The following KIAA1328 variants were observed in gnomAD, a reference collection of about 807,000 sequenced individuals.
KIAA1328 encodes the protein protein hinderin.
Under a neutral mutation model 68.1 loss-of-function variants are expected in KIAA1328, and 52 were observed. The observed-to-expected ratio is 0.76, with a 90% confidence interval of 0.61 to 0.96. The LOEUF (loss-of-function observed/expected upper bound fraction) is 0.96. Among genes scored for constraint, KIAA1328 ranks in the 40% least tolerant of loss-of-function variants. The pLI is 0.00. For synonymous variants in KIAA1328, 232 were observed against 239.4 expected (o/e 0.97, Z 0.28); for missense variants, 641 against 677.6 (o/e 0.95, Z 0.60).
At chr18:37,169,215 G>T (rs914819813) in intron 8 of KIAA1328, among the ~76,000 whole-genome samples, 11 of 150,836 alleles carry the variant, frequency 7.3e-5, no homozygotes, top group African/African-American at 2.4e-4. Flanking sequence ...GCCCGGGCTG[G>T]AGTGCAGTGG....
intron 7 of KIAA1328, among the ~76,000 whole-genome samples, chr18:37,117,318 A>G (rs2058138889): frequency 6.6e-6 from 1 of 152,236 alleles, no homozygotes; most frequent in South Asian, 2.1e-4. Context: ...CAGCCATAAA[A>G]AAGGATGAGT....
intron 6 of KIAA1328, among the ~76,000 whole-genome samples, chr18:37,010,361 T>G (rs1279455458): frequency 2.1e-5 from 3 of 145,138 alleles, no homozygotes; most frequent in African/African-American, 7.9e-5. Context: ...GAGAATCACT[T>G]GAACCCAGGA....
chr18:37,116,369 C>T (rs974524419), intron 7 of KIAA1328, among the ~76,000 whole-genome samples: 17 of 152,120 alleles, frequency 1.1e-4, no homozygotes, highest in Non-Finnish European at 2.1e-4. Context: ...CATCTACAAC[C>T]ATCTGACCTT....
intron 7 of KIAA1328, among the ~76,000 whole-genome samples, chr18:37,147,722 G>T (rs2058934122): frequency 6.6e-6 from 1 of 152,162 alleles, no homozygotes; most frequent in African/African-American, 2.4e-5. Context: ...ATTCTTAGCG[G>T]AAGTCTAGGA....
At chr18:37,070,174 C>T (rs528945162) in intron 7 of KIAA1328, among the ~76,000 whole-genome samples, 2 of 152,252 alleles carry the variant, frequency 1.3e-5, no homozygotes, top group African/African-American at 2.4e-5. Flanking sequence ...CCACTGTGCA[C>T]ACATAACACA....
intron 6 of KIAA1328, among the ~76,000 whole-genome samples, chr18:37,020,483 A>C (rs1262445122): frequency 6.6e-6 from 1 of 152,236 alleles, no homozygotes; most frequent in African/African-American, 2.4e-5. Flanking sequence ...TTAACTTGAA[A>C]GTTTACAGCG....
At chr18:37,084,117 T>G in intron 7 of KIAA1328, 1 of 1,431,830 alleles carries the variant, frequency 7.0e-7, no homozygotes, top group Non-Finnish European at 9.1e-7. Flanking sequence ...TTAAATTAAT[T>G]TTTACAGGTT....
At chr18:37,068,103 G>A (rs2056408590) in intron 7 of KIAA1328, among the ~76,000 whole-genome samples, 1 of 152,112 alleles carries the variant, frequency 6.6e-6, no homozygotes, top group African/African-American at 2.4e-5. Context: ...TTTTTGCTGG[G>A]TTCCAAAGAC....
chr18:37,210,665 G>A (rs550922002), intron 9 of KIAA1328, among the ~76,000 whole-genome samples: 6 of 152,184 alleles, frequency 3.9e-5, no homozygotes, highest in Non-Finnish European at 8.8e-5. Flanking sequence ...CCTTAGCAGA[G>A]TAAAACACAC....
rs377653631 is a variant in KIAA1328 at position 37,173,005 on chromosome 18, A to G, written c.1447A>G (p.Thr483Ala). ...TVTGVRKDAS[T>A]SPMPTGSLKD... ...GACAGGAGTTAGAAAAGATGCGTCT[A>G]CATCTCCTATGCCAACAGGAAGCCT... The change falls in exon 9 of 10, where the codon ACA becomes GCA. Residue 483 changes from threonine to alanine, a missense_variant. Thr to Ala is a moderately conservative substitution (Grantham distance 58). Coordinates refer to ENST00000280020, the MANE Select transcript of KIAA1328 (RefSeq NM_020776.3). 9 of 1,613,578 alleles carry G rather than the reference A, an allele frequency of 5.6e-6. No homozygotes were observed. Among genetic ancestry groups the G allele is most frequent in the East Asian group, 2.2e-5 (1 of 44,850 alleles).
intron 9 of KIAA1328, among the ~76,000 whole-genome samples, chr18:37,197,961 T>A (rs1287738819): frequency 2.6e-5 from 4 of 152,148 alleles, no homozygotes; most frequent in Non-Finnish European, 5.9e-5. Flanking sequence ...GTCCATCATG[T>A]GATGAATGGA....
At chr18:37,191,751 T>C (rs1403325961) in intron 9 of KIAA1328, among the ~76,000 whole-genome samples, 1 of 151,308 alleles carries the variant, frequency 6.6e-6, no homozygotes, top group Non-Finnish European at 1.5e-5. Context: ...CGTACAGGTG[T>C]ATCAAGAATT....
intron 7 of KIAA1328, among the ~76,000 whole-genome samples, chr18:37,117,295 A>G (rs1392849558): frequency 6.6e-6 from 1 of 152,222 alleles, no homozygotes; most frequent in Non-Finnish European, 1.5e-5. Flanking sequence ...CATATACACC[A>G]TGGAATACTA....
chr18:36,867,034 A>C (rs1292222148), intron 4 of KIAA1328, among the ~76,000 whole-genome samples: 1 of 152,190 alleles, frequency 6.6e-6, no homozygotes, highest in African/African-American at 2.4e-5. Flanking sequence ...ACAACATATA[A>C]AACAAATAAC....
intron 9 of KIAA1328, among the ~76,000 whole-genome samples, chr18:37,198,436 T>C (rs765233494): frequency 1.3e-5 from 2 of 152,178 alleles, no homozygotes; most frequent in Non-Finnish European, 2.9e-5. Context: ...ATAAAAAATC[T>C]ATTGGATTTA....
chr18:36,930,625 T>A (rs2050276892), intron 5 of KIAA1328, among the ~76,000 whole-genome samples: 1 of 152,120 alleles, frequency 6.6e-6, no homozygotes, highest in Non-Finnish European at 1.5e-5. Flanking sequence ...AATGGGCATT[T>A]TGATTCTTAC....
intron 6 of KIAA1328, among the ~76,000 whole-genome samples, chr18:37,047,282 A>G (rs1011430759): frequency 3.3e-5 from 5 of 152,020 alleles, no homozygotes; most frequent in South Asian, 2.1e-4. Context: ...CTCCATGTAA[A>G]CTTCGTGTTT....
chr18:37,032,959 T>G (rs1384950550), intron 6 of KIAA1328, among the ~76,000 whole-genome samples: 1 of 152,160 alleles, frequency 6.6e-6, no homozygotes, highest in Non-Finnish European at 1.5e-5. Flanking sequence ...TTTAAATAAA[T>G]GATATTCTGC....
intron 9 of KIAA1328, among the ~76,000 whole-genome samples, chr18:37,187,677 T>C (rs534348007): frequency 1.3e-5 from 2 of 152,250 alleles, no homozygotes; most frequent in Non-Finnish European, 2.9e-5. Context: ...TTTGAATAAA[T>C]AAAAGGATAC....
Sources: allele counts gnomAD v4.1 joint callset (sites outside exome capture counted in the v4.1 genomes callset), GRCh38; gene constraint gnomAD v4.1.1; transcripts MANE v1.5; gene names NCBI Gene and HGNC (gene_info 2026-07-23, HGNC 2026-07-21).